Variants in NFYC observed in about 807,000 individuals in gnomAD.
NFYC encodes CAAT box DNA-binding protein subunit C.
In NFYC, 25 loss-of-function variants were observed where a neutral mutation model predicts 53.1. That is an observed-to-expected ratio of 0.47 (90% CI 0.34 to 0.66). The LOEUF (loss-of-function observed/expected upper bound fraction) is 0.66. Among genes scored for constraint, NFYC ranks in the 30% least tolerant of loss-of-function variants. The pLI, the probability that NFYC is intolerant of heterozygous loss-of-function variation, is 0.01. For synonymous variants in NFYC, 145 were observed against 152.6 expected (o/e 0.95, Z 0.37); for missense variants, 260 against 422.7 (o/e 0.62, Z 3.38).
chr1:40,712,255 A>T (rs889375632), intron 1 of NFYC: 4 of 152,184 alleles, frequency 2.6e-5, no homozygotes, highest in African/African-American at 9.7e-5. Context: ...ACATGACCCT[A>T]TTTATTTAAT....
chr1:40,692,313 G>C (rs1642863250), intron 1 of NFYC: 1 of 155,612 alleles, frequency 6.4e-6, no homozygotes, highest in Non-Finnish European at 1.4e-5. Flanking sequence ...GAGCCTAGAG[G>C]CTTTAAGGGG....
rs369556602 is a variant in NFYC, at chr1:40,738,840, C to T, written c.-4C>T. On this transcript the variant is annotated 5_prime_UTR_variant, in exon 2 of 10. Coordinates refer to ENST00000447388, the MANE Select transcript of NFYC (RefSeq NM_014223.5). The stretch of plus-strand genomic sequence containing the variant: ...TATGTATGTGTTTATTTTCAGTTGT[C>T]GAGATGTCCACAGAAGGAGGATTTG... 8.1e-6 allele frequency: 13 copies of T among 1,611,854 alleles called. No homozygotes were observed. Among genetic ancestry groups the T allele is most frequent in the East Asian group, 4.5e-5 (2 of 44,878 alleles).
intron 4 of NFYC, 147 bp downstream of exon 4, chr1:40,749,833 A>G (rs945460527): frequency 4.7e-6 from 3 of 637,972 alleles, no homozygotes; most frequent in African/African-American, 1.8e-5. Flanking sequence ...TTAGGCCTCT[A>G]TCAAGCTGAC....
At chr1:40,757,933 T>C in intron 5 of NFYC, 188 bp from the exon 6 acceptor site, 1 of 625,742 alleles carries the variant, frequency 1.6e-6, no homozygotes, top group Non-Finnish European at 2.8e-6. Flanking sequence ...CTATAGGATC[T>C]GTTATTTTTA....
intron 9 of NFYC, among the ~76,000 whole-genome samples, chr1:40,769,765 T>A (rs183657337): frequency 3.3e-5 from 5 of 152,170 alleles, no homozygotes; most frequent in African/African-American, 1.2e-4. Flanking sequence ...CTGTATTTTT[T>A]TCCCCTCTAA....
chr1:40,753,369 C>A, intron 5 of NFYC, 123 bp downstream of exon 5: 2 of 622,608 alleles, frequency 3.2e-6, no homozygotes, highest in Non-Finnish European at 5.6e-6. Flanking sequence ...GTTTCTAGAC[C>A]AGATTCATTC....
At chr1:40,749,545 T>C (rs1645796825) in intron 3 of NFYC, 28 bp from the exon 4 acceptor site, 3 of 1,569,516 alleles carry the variant, frequency 1.9e-6, no homozygotes, top group Non-Finnish European at 2.6e-6. Flanking sequence ...TGCTGGTGAT[T>C]GACAGGGAGG....
chr1:40,720,727 G>T (rs1398748213), intron 1 of NFYC, among the ~76,000 whole-genome samples: 1 of 152,110 alleles, frequency 6.6e-6, no homozygotes, highest in Non-Finnish European at 1.5e-5. Context: ...AATTAGCCAG[G>T]TATGGTGGCA....
rs983213341 is a variant in NFYC, at chr1:40,725,171, A to G, written c.-8-13665A>G. ...GTGCCTGAACTTAGTTTCCTGCATG[A>G]CTATATAAAAACCTTAGATGAGTTT... is the stretch of plus-strand genomic sequence containing the variant. On this transcript the variant is annotated intron_variant, in intron 1 of 9. Transcript: ENST00000447388. 3.7e-4 allele frequency among the ~76,000 whole-genome samples: 57 copies of G among 152,216 alleles called. 1 individual carries two copies. The highest frequency in any genetic ancestry group is 1.0e-4 in the Non-Finnish European group (7 of 68,042).
intron 1 of NFYC, among the ~76,000 whole-genome samples, chr1:40,724,191 G>A (rs1360030143): frequency 6.6e-6 from 1 of 152,162 alleles, no homozygotes; most frequent in Admixed American, 6.5e-5. Flanking sequence ...TCAACATGGT[G>A]AAACCCGTCT....
intron 1 of NFYC, among the ~76,000 whole-genome samples, chr1:40,699,242 A>G (rs1048716814): frequency 6.6e-6 from 1 of 152,202 alleles, no homozygotes; most frequent in East Asian, 1.9e-4. Flanking sequence ...AATATTTTGT[A>G]TCATGTCATT....
rs1643632178 is a variant in NFYC at position 40,705,087 on chromosome 1, A to T, written c.-9+13220A>T. Among the ~76,000 whole-genome samples, 2 of 152,234 alleles carry T rather than the reference A, an allele frequency of 1.3e-5. 1 individual carries two copies. Among genetic ancestry groups the T allele is most frequent in the Admixed American group, 1.3e-4 (2 of 15,278 alleles). ...CATATATTACCTTGTTTAATCCTTA[A>T]AATGGCTCTCTGGTATACATGGTGA... On this transcript the variant is annotated intron_variant, in intron 1 of 9. Coordinates refer to ENST00000447388, the MANE Select transcript of NFYC (RefSeq NM_014223.5).
chr1:40,693,033 A>G (rs1044218361), intron 1 of NFYC, among the ~76,000 whole-genome samples: 1 of 152,170 alleles, frequency 6.6e-6, no homozygotes, highest in Admixed American at 6.5e-5. Context: ...AAATATTGTT[A>G]GGTTCCCCTT....
At chr1:40,698,354 T>G (rs1297343863) in intron 1 of NFYC, among the ~76,000 whole-genome samples, 1 of 150,200 alleles carries the variant, frequency 6.7e-6, no homozygotes, top group African/African-American at 2.5e-5. Flanking sequence ...AGAACGGGAT[T>G]CCCTCTTTGA....
At chr1:40,706,840 A>G (rs1305318468) in intron 1 of NFYC, among the ~76,000 whole-genome samples, 1 of 152,172 alleles carries the variant, frequency 6.6e-6, no homozygotes, top group East Asian at 1.9e-4. Context: ...AATACTTATA[A>G]TATCTCTTCT....
At chr1:40,757,276 G>A (rs1441378576) in intron 5 of NFYC, 1 of 528,788 alleles carries the variant, frequency 1.9e-6, no homozygotes, top group Non-Finnish European at 3.9e-6. Context: ...TGGACCCTGT[G>A]GGCTATAACC....
chr1:40,749,817 T>C, intron 4 of NFYC, 131 bp downstream of exon 4: 1 of 706,664 alleles, frequency 1.4e-6, no homozygotes, highest in Non-Finnish European at 2.4e-6. Context: ...CAAAGATTGT[T>C]CTCCTTTAGG....
chr1:40,742,111 A>G (rs961661615), intron 2 of NFYC, among the ~76,000 whole-genome samples: 5 of 151,656 alleles, frequency 3.3e-5, no homozygotes, highest in African/African-American at 7.3e-5. Flanking sequence ...AGGTCTCACT[A>G]TGTTGCCTAG....
Position 40,691,867 on chromosome 1 carries a change from GGT to G in NFYC, c.-9+6_-9+7del. The G allele has an allele frequency of 2.5e-6, 1 of 405,962 alleles. No homozygotes were observed. The highest frequency in any genetic ancestry group is 1.7e-5 in the South Asian group (1 of 60,198). The allele number at this position is 405,962 out of a possible 1,614,324, so 25.1% of individuals were successfully genotyped here. A position where few individuals can be genotyped will look rare whatever the true frequency, so the allele number is the denominator to read the frequency against. Reference sequence around the variant, plus strand: ...TGCTCTTCCTGGACTCCTGAGCAGAGGTGTGTGAGTGTGCGGGAGTTTCTGTG... The same window carrying G: ...TGCTCTTCCTGGACTCCTGAGCAGAGGTGTGAGTGTGCGGGAGTTTCTGTG... On this transcript the variant is annotated splice_donor_variant, in intron 1 of 9. Coordinates refer to ENST00000447388, the MANE Select transcript of NFYC (RefSeq NM_014223.5). LOFTEE classifies it low-confidence loss of function (5UTR_SPLICE).
Sources: allele counts gnomAD v4.1 joint callset (sites outside exome capture counted in the v4.1 genomes callset), GRCh38; gene constraint gnomAD v4.1.1; transcripts MANE v1.5; gene names NCBI Gene and HGNC (gene_info 2026-07-23, HGNC 2026-07-21).